SMAP1: variants seen among roughly 807,000 people sequenced by gnomAD.
The protein encoded by SMAP1 is stromal membrane-associated protein 1.
In SMAP1, 24 loss-of-function variants were observed where a neutral mutation model predicts 58.5. The observed-to-expected ratio is 0.41, with a 90% CI of 0.30 to 0.58. SMAP1 has a LOEUF of 0.58. Ranked by LOEUF, SMAP1 falls within the 20% of genes least tolerant of loss-of-function variation. SMAP1 has a pLI of 0.29. For synonymous variants in SMAP1, 216 were observed against 196.6 expected (o/e 1.10, Z -0.82); for missense variants, 563 against 566.3 (o/e 0.99, Z 0.06).
At chr6:70,821,452 A>G (rs989103129) in intron 6 of SMAP1, among the ~76,000 whole-genome samples, 2 of 152,146 alleles carry the variant, frequency 1.3e-5, no homozygotes, top group African/African-American at 2.4e-5. Context: ...ATGAAGAAAA[A>G]TATCCTAGTG....
chr6:70,813,647 T>C (rs1769485634), intron 6 of SMAP1, among the ~76,000 whole-genome samples: 1 of 152,142 alleles, frequency 6.6e-6, no homozygotes, highest in African/African-American at 2.4e-5. Context: ...AGGACGTATA[T>C]ATTGAGCCTT....
chr6:70,809,246 C>A (rs554883095), intron 6 of SMAP1, among the ~76,000 whole-genome samples: 1 of 151,828 alleles, frequency 6.6e-6, no homozygotes, highest in Admixed American at 6.6e-5. Context: ...TTTCAAGATA[C>A]GGCAAGTATT....
intron 7 of SMAP1, among the ~76,000 whole-genome samples, chr6:70,844,163 G>C (rs1770903312): frequency 6.6e-6 from 1 of 152,160 alleles, no homozygotes; most frequent in South Asian, 2.1e-4. Context: ...AAAGAAATTT[G>C]GTTATACAAT....
At chr6:70,810,843 CT>C (rs1172005413) in intron 6 of SMAP1, among the ~76,000 whole-genome samples, 10 of 152,126 alleles carry the variant, frequency 6.6e-5, no homozygotes, top group Admixed American at 6.5e-4. Context: ...CCTGGCTCCC[CT>C]TTTTTTATTG....
intron 1 of SMAP1, among the ~76,000 whole-genome samples, chr6:70,726,054 C>CCAA (rs1768770762): frequency 1.3e-5 from 2 of 152,274 alleles, no homozygotes; most frequent in South Asian, 4.1e-4. Flanking sequence ...AGATTTGCCT[C>CCAA]TGTCATGGTC....
chr6:70,719,341 T>C (rs991963375), intron 1 of SMAP1, among the ~76,000 whole-genome samples: 7 of 152,228 alleles, frequency 4.6e-5, no homozygotes, highest in Non-Finnish European at 1.0e-4. Flanking sequence ...ATTGAATGGT[T>C]ATACACAAGT....
intron 6 of SMAP1, among the ~76,000 whole-genome samples, chr6:70,817,629 C>T (rs1043322167): frequency 3.3e-5 from 5 of 152,062 alleles, no homozygotes; most frequent in African/African-American, 4.8e-5. Context: ...TATTGTTATC[C>T]CCTTTGTGAT....
At chr6:70,706,102 C>T (rs1397344332) in intron 1 of SMAP1, among the ~76,000 whole-genome samples, 2 of 152,004 alleles carry the variant, frequency 1.3e-5, no homozygotes, top group African/African-American at 4.8e-5. Context: ...TTAGAAACAC[C>T]GAAAGGGAAA....
chr6:70,695,311 C>G (rs1767355550), intron 1 of SMAP1, among the ~76,000 whole-genome samples: 1 of 152,108 alleles, frequency 6.6e-6, no homozygotes, highest in Non-Finnish European at 1.5e-5. Context: ...CATTGTTTGA[C>G]TATTATGCTG....
intron 1 of SMAP1, among the ~76,000 whole-genome samples, chr6:70,672,592 G>C (rs1766313858): frequency 1.3e-5 from 2 of 152,192 alleles, no homozygotes; most frequent in African/African-American, 4.8e-5. Context: ...TAAGAGAGGA[G>C]ACCTTGTTTA....
intron 1 of SMAP1, chr6:70,668,586 G>C (rs1351140897): frequency 1.3e-6 from 2 of 1,535,652 alleles, no homozygotes; most frequent in Admixed American, 2.0e-5. Flanking sequence ...CCTCCGGTGT[G>C]ACCACGTCCT....
chr6:70,842,810 G>A (rs929750996), intron 7 of SMAP1, among the ~76,000 whole-genome samples: 6 of 152,060 alleles, frequency 3.9e-5, no homozygotes, highest in African/African-American at 1.4e-4. Flanking sequence ...TACTCTGGAG[G>A]CTTGTCACCT....
At chr6:70,758,183 T>G (rs1177267686) in intron 3 of SMAP1, among the ~76,000 whole-genome samples, 3 of 151,408 alleles carry the variant, frequency 2.0e-5, no homozygotes, top group African/African-American at 7.3e-5. Flanking sequence ...TGGAATACTA[T>G]GCAGCCATAA....
chr6:70,693,298 C>CTTTTT (rs55693339), intron 1 of SMAP1, among the ~76,000 whole-genome samples: 18 of 109,620 alleles, frequency 1.6e-4, no homozygotes, highest in East Asian at 1.2e-3. Flanking sequence ...ATGTCATCTT[C>CTTTTT]TTTTTTTTTT....
At chr6:70,802,108 T>C (rs1768885935) in intron 6 of SMAP1, among the ~76,000 whole-genome samples, 1 of 152,240 alleles carries the variant, frequency 6.6e-6, no homozygotes, top group African/African-American at 2.4e-5. Context: ...CCTTGGGCAG[T>C]ATGGCCATTT....
At chr6:70,855,962 G>A (rs1771402326) in intron 8 of SMAP1, among the ~76,000 whole-genome samples, 1 of 152,186 alleles carries the variant, frequency 6.6e-6, no homozygotes, top group South Asian at 2.1e-4. Context: ...TACAATGTTT[G>A]GATGGTAACT....
intron 1 of SMAP1, among the ~76,000 whole-genome samples, chr6:70,683,369 A>G (rs1237148863): frequency 2.0e-5 from 3 of 151,608 alleles, no homozygotes; most frequent in Non-Finnish European, 4.4e-5. Context: ...ACGGGGTTTC[A>G]TCATCTTGAC....
At position 70,668,089 on chromosome 6, in the gene SMAP1, C is replaced by T; in HGVS notation, c.66C>T (p.Ser22=). 2.5e-6 allele frequency: 4 copies of T among 1,605,536 alleles called. No homozygotes were observed. Among genetic ancestry groups the T allele is most frequent in the Non-Finnish European group, 3.4e-6 (4 of 1,176,646 alleles). Residue 22 remains serine, a synonymous_variant, in exon 1 of 11, where the codon TCC becomes TCT. Transcript: ENST00000370455. ...KLNEQHQLIL[S]KLLREEDNKY... ...ACGAGCAGCACCAGCTCATCCTATC[C>T]AAGCTTCTGAGGGAGGAGGACAACA...
chr6:70,822,169 C>G (rs1160320028), intron 6 of SMAP1, among the ~76,000 whole-genome samples: 3 of 152,046 alleles, frequency 2.0e-5, no homozygotes, highest in African/African-American at 4.8e-5. Context: ...TAAGTTAAAG[C>G]TTATACTTAA....
Sources: allele counts gnomAD v4.1 joint callset (sites outside exome capture counted in the v4.1 genomes callset), GRCh38; gene constraint gnomAD v4.1.1; transcripts MANE v1.5; gene names NCBI Gene and HGNC (gene_info 2026-07-23, HGNC 2026-07-21).